Variants in MDGA2 observed in about 807,000 individuals in gnomAD.
MDGA2 encodes the protein MAM domain containing glycosylphosphatidylinositol anchor 2, also known as MAM domain-containing glycosylphosphatidylinositol anchor protein 2.
A neutral mutation model predicts 117.8 loss-of-function variants in MDGA2; 40 were observed. The ratio of observed to expected loss-of-function variants is 0.34; its 90% CI spans 0.26 to 0.44. The LOEUF (loss-of-function observed/expected upper bound fraction) is 0.44, where lower values mean the gene tolerates loss of function less well. Among genes scored for constraint, MDGA2 ranks in the 20% least tolerant of loss-of-function variants. The probability of loss-of-function intolerance (pLI) is 1.00; values close to 1 mark genes in which losing one functional copy is unlikely to be tolerated. For missense variants in MDGA2, 1,123 were observed against 1,250.6 expected, an observed-to-expected ratio of 0.90 and a Z score of 1.54; for synonymous variants, 452 against 439.0, an observed-to-expected ratio of 1.03 and a Z score of -0.37.
intron 8 of MDGA2, among the ~76,000 whole-genome samples, chr14:46,974,055 A>G (rs969336637): frequency 1.3e-5 from 2 of 151,990 alleles, no homozygotes; most frequent in African/African-American, 4.8e-5. Flanking sequence ...CTGCATTTCT[A>G]TACACTAACA....
chr14:47,281,196 AT>A (rs958376558), intron 2 of MDGA2, among the ~76,000 whole-genome samples: 3 of 148,276 alleles, frequency 2.0e-5, no homozygotes, highest in African/African-American at 2.4e-5. Context: ...CTTTTTAAGT[AT>A]TTTTTTTTCA....
At chr14:47,361,970 T>C (rs754971986) in intron 1 of MDGA2, among the ~76,000 whole-genome samples, 7 of 152,198 alleles carry the variant, frequency 4.6e-5, no homozygotes, top group Non-Finnish European at 1.0e-4. Flanking sequence ...TTCCTTTAAA[T>C]GGAAATGATA....
intron 10 of MDGA2, among the ~76,000 whole-genome samples, chr14:46,918,709 T>G (rs1485092540): frequency 2.6e-5 from 4 of 151,382 alleles, no homozygotes; most frequent in Non-Finnish European, 5.9e-5. Context: ...CTCTTTCACT[T>G]TTTTGAGAAT....
intron 2 of MDGA2, among the ~76,000 whole-genome samples, chr14:47,297,469 G>A (rs1262669330): frequency 2.3e-5 from 3 of 131,912 alleles, no homozygotes; most frequent in Non-Finnish European, 3.3e-5. Context: ...GGAGGGGAGT[G>A]AAGGGAAGGG....
At chr14:46,990,079 C>T (rs1887026875) in intron 8 of MDGA2, among the ~76,000 whole-genome samples, 1 of 152,086 alleles carries the variant, frequency 6.6e-6, no homozygotes, top group Non-Finnish European at 1.5e-5. Flanking sequence ...CAGACTTTAT[C>T]ACTTGTTAGA....
chr14:46,921,516 G>C (rs1288315291), intron 9 of MDGA2, among the ~76,000 whole-genome samples: 1 of 151,330 alleles, frequency 6.6e-6, no homozygotes, highest in African/African-American at 2.4e-5. Flanking sequence ...AGACCTACTT[G>C]CTGTGGTGGG....
intron 1 of MDGA2, among the ~76,000 whole-genome samples, chr14:47,611,871 T>A (rs1465626024): frequency 6.6e-6 from 1 of 152,006 alleles, no homozygotes; most frequent in Non-Finnish European, 1.5e-5. Context: ...ACATAACACA[T>A]CAAAAAGCAA....
chr14:47,613,499 A>ACACACACACG, intron 1 of MDGA2, among the ~76,000 whole-genome samples: 2 of 151,730 alleles, frequency 1.3e-5, no homozygotes, highest in South Asian at 4.2e-4. Context: ...ACACACACAC[A>ACACACACACG]CACACACGCA....
At chr14:47,500,031 T>G (rs1353451843) in intron 1 of MDGA2, among the ~76,000 whole-genome samples, 2 of 152,174 alleles carry the variant, frequency 1.3e-5, no homozygotes, top group African/African-American at 2.4e-5. Context: ...AAAATCTGCA[T>G]GTCTACTTCC....
At position 47,480,726 on chromosome 14, in the gene MDGA2, C is replaced by T. The variant is rs936050743; in HGVS notation, c.281-179176G>A. ...AGTGGTCCTTAAATACCTCTAGTGGCTTCTGAAACCTAGCATTGAAGATTC... is the reference window on the plus strand; with the variant it reads ...AGTGGTCCTTAAATACCTCTAGTGGTTTCTGAAACCTAGCATTGAAGATTC... On this transcript the variant is annotated intron_variant, in intron 1 of 16. Transcript: ENST00000399232. Among the ~76,000 whole-genome samples the T allele has an allele frequency of 2.0e-5, 3 of 151,910 alleles. No homozygotes were observed. The South Asian group carries it at 6.2e-4, about 32-fold the overall frequency.
At chr14:47,025,496 G>T (rs1022249024) in intron 8 of MDGA2, among the ~76,000 whole-genome samples, 3 of 152,152 alleles carry the variant, frequency 2.0e-5, no homozygotes, top group Admixed American at 6.5e-5. Flanking sequence ...CCCAAATTAT[G>T]TAGACTTTGT....
intron 1 of MDGA2, among the ~76,000 whole-genome samples, chr14:47,443,601 T>G (rs987067852): frequency 1.3e-5 from 2 of 152,202 alleles, no homozygotes; most frequent in Non-Finnish European, 2.9e-5. Flanking sequence ...AAATTATGCA[T>G]TTATGTTGTA....
intron 8 of MDGA2, among the ~76,000 whole-genome samples, chr14:47,031,049 G>C (rs1476992619): frequency 6.6e-6 from 1 of 152,042 alleles, no homozygotes; most frequent in Admixed American, 6.6e-5. Flanking sequence ...ATTTTAACAA[G>C]AGGCATTAAT....
intron 1 of MDGA2, among the ~76,000 whole-genome samples, chr14:47,441,636 G>A (rs918343241): frequency 6.6e-6 from 1 of 152,020 alleles, no homozygotes; most frequent in Non-Finnish European, 1.5e-5. Context: ...CTTTCCTCAT[G>A]GAATTGACAG....
chr14:47,586,995 T>C (rs999966142), intron 1 of MDGA2, among the ~76,000 whole-genome samples: 4 of 151,970 alleles, frequency 2.6e-5, no homozygotes, highest in Admixed American at 6.6e-5. Context: ...TCTTGGATTT[T>C]TTTAGTTTTG....
At chr14:47,374,209 C>T (rs1891427444) in intron 1 of MDGA2, among the ~76,000 whole-genome samples, 1 of 152,010 alleles carries the variant, frequency 6.6e-6, no homozygotes, top group Non-Finnish European at 1.5e-5. Context: ...CAGGATTTCC[C>T]ACTAATTACC....
intron 1 of MDGA2, among the ~76,000 whole-genome samples, chr14:47,441,808 T>C (rs1594858412): frequency 6.6e-6 from 1 of 152,264 alleles, no homozygotes; most frequent in East Asian, 1.9e-4. Context: ...GAAGTTTTAG[T>C]GAAACTTATT....
intron 1 of MDGA2, among the ~76,000 whole-genome samples, chr14:47,523,777 T>C (rs8011392): frequency 5.3e-5 from 8 of 152,082 alleles, no homozygotes; most frequent in Admixed American, 5.2e-4. Context: ...AACAGAGATA[T>C]CTGTTTTTAT....
rs547783921 is a variant in MDGA2 at position 47,350,968 on chromosome 14, A to G, written c.281-49418T>C. Among the ~76,000 whole-genome samples, 65 of 152,274 alleles carry G rather than the reference A, an allele frequency of 4.3e-4. No individual in the cohort carries two copies. In the South Asian group the frequency reaches 0.013, roughly 31 times the overall value. On this transcript the variant is annotated intron_variant, in intron 1 of 16. Transcript: ENST00000399232. Reference sequence around the variant, plus strand: ...GCTGCAACACCCAGGCTGGAACGCAATGGCACAATCTCGGCTCACTGCAAC... The same window carrying G: ...GCTGCAACACCCAGGCTGGAACGCAGTGGCACAATCTCGGCTCACTGCAAC...
Sources: gnomAD v4.1 joint callset for allele counts (sites outside exome capture counted in the v4.1 genomes callset) on GRCh38, gnomAD v4.1.1 for gene constraint, MANE v1.5 for transcripts, NCBI Gene and HGNC (gene_info 2026-07-23, HGNC 2026-07-21) for gene names.